PTPRT: variants seen among roughly 807,000 people sequenced by gnomAD.
PTPRT encodes protein tyrosine phosphatase receptor type T.
In PTPRT, 56 loss-of-function variants were observed where a neutral mutation model predicts 176.8. That is an observed-to-expected ratio of 0.32 (90% CI 0.26 to 0.40). The LOEUF is 0.40. PTPRT is among the 10% of genes least tolerant of loss of function. The probability of loss-of-function intolerance (pLI) is 1.00; values close to 1 mark genes in which losing one functional copy is unlikely to be tolerated. For synonymous variants in PTPRT, 783 were observed against 739.0 expected, an observed-to-expected ratio of 1.06 and a Z score of -0.96; for missense variants, 1,540 against 1,908.2, an observed-to-expected ratio of 0.81 and a Z score of 3.60.
chr20:42,753,601 G>T (rs971876824), intron 6 of PTPRT, among the ~76,000 whole-genome samples: 1 of 152,194 alleles, frequency 6.6e-6, no homozygotes, highest in South Asian at 2.1e-4. Context: ...AGTGGCAGGG[G>T]CTGCAGGTGA....
At chr20:42,088,638 A>G (rs994400971) in intron 27 of PTPRT, among the ~76,000 whole-genome samples, 33 of 152,344 alleles carry the variant, frequency 2.2e-4, no homozygotes, top group African/African-American at 7.5e-4. Flanking sequence ...ATTTTTGCAT[A>G]TAAAGCTTTG....
intron 1 of PTPRT, among the ~76,000 whole-genome samples, chr20:43,183,558 G>A (rs2015318781): frequency 2.0e-5 from 3 of 152,152 alleles, no homozygotes; most frequent in Admixed American, 2.0e-4. Context: ...CCATCATCAG[G>A]GTACTATTCT....
At chr20:42,337,559 C>T (rs879092385) in intron 11 of PTPRT, among the ~76,000 whole-genome samples, 4 of 152,130 alleles carry the variant, frequency 2.6e-5, no homozygotes, top group Admixed American at 2.0e-4. Flanking sequence ...TTAGATGTGA[C>T]TTTGAGTGTG....
At chr20:42,070,848 G>T (rs6102659), downstream of PTPRT, among the ~76,000 whole-genome samples, 29,432 of 152,080 alleles carry the variant, frequency 0.19, 3,151 homozygotes, top group Non-Finnish European at 0.24. Context: ...TCCATTTTGG[G>T]GAAAGATGAT....
In PTPRT at chr20:42,856,417, A is replaced by G. The variant is rs557342557; in HGVS notation, c.214+29390T>C. 1.0e-3 allele frequency among the ~76,000 whole-genome samples: 154 copies of G among 152,006 alleles called. 1 individual carries two copies. Among genetic ancestry groups the G allele is most frequent in the Admixed American group, 2.0e-3 (31 of 15,240 alleles). ...CCCACAGTAGGTTTCACACGCAAAG[A>G]TTTTTTTTTAAAACTCACCCTGGAA... On this transcript the variant is annotated intron_variant, in intron 2 of 30. Transcript: ENST00000373187.
intron 15 of PTPRT, among the ~76,000 whole-genome samples, chr20:42,207,481 A>G: frequency 1.0e-5 from 1 of 98,438 alleles, no homozygotes; most frequent in South Asian, 4.5e-4. Context: ...AGGCTCGAGA[A>G]CTACGTGAAG....
intron 7 of PTPRT, among the ~76,000 whole-genome samples, chr20:42,595,049 G>A (rs930403827): frequency 1.3e-5 from 2 of 152,118 alleles, no homozygotes; most frequent in African/African-American, 2.4e-5. Context: ...CTCTGGGGGT[G>A]AACCTAGGGG....
At chr20:42,843,467 G>A (rs2078314533) in intron 2 of PTPRT, among the ~76,000 whole-genome samples, 1 of 152,212 alleles carries the variant, frequency 6.6e-6, no homozygotes, top group Non-Finnish European at 1.5e-5. Context: ...GGGAAACAGA[G>A]TCTCCAGAAT....
At chr20:42,741,426 C>A (rs1236494742) in intron 6 of PTPRT, among the ~76,000 whole-genome samples, 1 of 152,252 alleles carries the variant, frequency 6.6e-6, no homozygotes, top group East Asian at 1.9e-4. Flanking sequence ...CTCACTGCAA[C>A]CTCTGGCTCT....
chr20:42,317,636 C>G (rs2057739467), intron 11 of PTPRT, among the ~76,000 whole-genome samples: 1 of 152,100 alleles, frequency 6.6e-6, no homozygotes, highest in Admixed American at 6.5e-5. Flanking sequence ...TCTAAAGACA[C>G]TTGATTAAGG....
rs762549899 is a variant in PTPRT at position 42,677,881 on chromosome 20, T to G, written c.1138A>C (p.Arg380=). The change falls in exon 7 of 31, where the codon AGG becomes CGG. Residue 380 remains arginine, a synonymous_variant. Transcript: ENST00000373187. ...TGPPGPPLTT[R]TKCADPVHGP... ...AAAATCTTACCTGCACACTTGGTCC[T>G]GGTGGTGAGGGGAGGCCCTGGCGGT... 1 of 1,612,814 alleles carries G rather than the reference T, an allele frequency of 6.2e-7. No individual in the cohort carries two copies. Among genetic ancestry groups the G allele is most frequent in the South Asian group, 1.1e-5 (1 of 90,954 alleles).
chr20:42,661,037 G>A (rs187770834), intron 7 of PTPRT, among the ~76,000 whole-genome samples: 1 of 152,144 alleles, frequency 6.6e-6, no homozygotes, highest in African/African-American at 2.4e-5. Flanking sequence ...TTTTAGTAGA[G>A]ATCGGGTTTC....
intron 11 of PTPRT, among the ~76,000 whole-genome samples, chr20:42,338,917 C>A: frequency 6.6e-6 from 1 of 152,116 alleles, no homozygotes; most frequent in East Asian, 1.9e-4. Context: ...CCCACAATAG[C>A]AAATTCAGAT....
At chr20:42,963,354 G>A (rs919648218) in intron 1 of PTPRT, among the ~76,000 whole-genome samples, 1 of 151,656 alleles carries the variant, frequency 6.6e-6, no homozygotes, top group African/African-American at 2.4e-5. Flanking sequence ...TCCAGCCTGG[G>A]CGACAGACCC....
chr20:42,746,354 A>C (rs2076690550), intron 6 of PTPRT, among the ~76,000 whole-genome samples: 1 of 152,202 alleles, frequency 6.6e-6, no homozygotes. Context: ...TCAAAGAGTG[A>C]AGGAGTCAGA....
chr20:42,896,378 T>C (rs2079297843), intron 1 of PTPRT, among the ~76,000 whole-genome samples: 2 of 152,136 alleles, frequency 1.3e-5, no homozygotes, highest in African/African-American at 4.8e-5. Context: ...GGCTCATGCC[T>C]GTAATCCCAG....
intron 11 of PTPRT, among the ~76,000 whole-genome samples, chr20:42,337,761 C>T (rs966676135): frequency 6.6e-6 from 1 of 152,202 alleles, no homozygotes; most frequent in Non-Finnish European, 1.5e-5. Context: ...TGGGACCAAA[C>T]TTTGAGAATT....
intron 15 of PTPRT, among the ~76,000 whole-genome samples, chr20:42,212,392 G>A (rs1600684194): frequency 1.0e-5 from 1 of 98,456 alleles, no homozygotes; most frequent in Non-Finnish European, 2.1e-5. Context: ...GGAAAATAAA[G>A]ATGACCCAAT....
chr20:43,146,300 G>T (rs989469402), intron 1 of PTPRT, among the ~76,000 whole-genome samples: 1 of 152,126 alleles, frequency 6.6e-6, no homozygotes, highest in African/African-American at 2.4e-5. Flanking sequence ...AATATTTGAC[G>T]AAAGACATAC....
Sources: allele counts gnomAD v4.1 joint callset (sites outside exome capture counted in the v4.1 genomes callset), GRCh38; gene constraint gnomAD v4.1.1; transcripts MANE v1.5; gene names NCBI Gene and HGNC (gene_info 2026-07-23, HGNC 2026-07-21).